Variants in AFAP1 observed in about 807,000 individuals in gnomAD.
The protein encoded by AFAP1 is actin filament-associated protein 1.
In AFAP1, 75 loss-of-function variants were observed where a neutral mutation model predicts 93.9. The ratio of observed to expected loss-of-function variants is 0.80; its 90% CI spans 0.66 to 0.97. The LOEUF (loss-of-function observed/expected upper bound fraction) is 0.97, where lower values mean the gene tolerates loss of function less well. AFAP1 is among the 50% of genes least tolerant of loss of function. The probability of loss-of-function intolerance (pLI) is 0.00; values close to 1 mark genes in which losing one functional copy is unlikely to be tolerated. For missense variants in AFAP1, 1,201 were observed against 1,050.8 expected, an observed-to-expected ratio of 1.14 and a Z score of -1.98; for synonymous variants, 517 against 430.7, an observed-to-expected ratio of 1.20 and a Z score of -2.48.
intron 4 of AFAP1, among the ~76,000 whole-genome samples, chr4:7,847,746 A>G (rs1347011015): frequency 1.4e-5 from 2 of 145,154 alleles, no homozygotes; most frequent in African/African-American, 5.2e-5. Flanking sequence ...TAAGTGGTAC[A>G]GGTATTCACA....
chr4:7,931,880 A>G (rs1292960766), intron 1 of AFAP1, among the ~76,000 whole-genome samples: 1 of 151,698 alleles, frequency 6.6e-6, no homozygotes, highest in Non-Finnish European at 1.5e-5. Context: ...CTTTTTTTTG[A>G]GACGGAGTCT....
intron 4 of AFAP1, among the ~76,000 whole-genome samples, chr4:7,846,576 A>G (rs1018302447): frequency 2.0e-5 from 3 of 152,268 alleles, no homozygotes; most frequent in Admixed American, 6.5e-5. Context: ...TCAGTAAATA[A>G]TGAAGTAAAG....
Position 7,939,437 on chromosome 4 carries a change from G to C in AFAP1, c.-3+219C>G, listed in dbSNP as rs1215004297. ...CTCCGGGCAGACGCGGGGAGCTGGG[G>C]AGCAGTGGGGACCGGCCCCCACCCG... On this transcript the variant is annotated intron_variant, in intron 1 of 17. Coordinates refer to ENST00000420658, the MANE Select transcript of AFAP1 (RefSeq NM_001134647.2). This position sits in a 1 kb window ranked among gnomAD's most constrained non-coding sequence, Gnocchi z 5.6. 8 of 299,654 alleles carry C rather than the reference G, an allele frequency of 2.7e-5. No homozygotes were observed. Among genetic ancestry groups the C allele is most frequent in the Admixed American group, 1.0e-4 (2 of 19,476 alleles). 18.6% of individuals were successfully genotyped at this position (299,654 alleles called of 1,614,324 possible).
chr4:7,857,326 G>A (rs1188882566), intron 3 of AFAP1, among the ~76,000 whole-genome samples: 1 of 152,126 alleles, frequency 6.6e-6, no homozygotes, highest in East Asian at 1.9e-4. Flanking sequence ...CTTTGTGAAT[G>A]ACTAATCACC....
chr4:7,785,888 GACTGCACC>G lies in AFAP1; in HGVS notation c.1530+298_1530+305del, dbSNP rs535994824. Among the ~76,000 whole-genome samples, 241 of 152,270 alleles carry G rather than the reference GACTGCACC, an allele frequency of 1.6e-3. 1 individual carries two copies. The highest frequency in any genetic ancestry group is 5.6e-3 in the African/African-American group (234 of 41,546). Reference sequence around the variant, plus strand: ...GGGAGGTTGAGCTATAGTGAGTTGTGACTGCACCACTGCACTCCAGCCTGGGCAACAGA... The same window carrying G: ...GGGAGGTTGAGCTATAGTGAGTTGTGACTGCACTCCAGCCTGGGCAACAGA... On this transcript the variant is annotated intron_variant, in intron 12 of 17. Coordinates refer to ENST00000420658, the MANE Select transcript of AFAP1 (RefSeq NM_001134647.2).
At chr4:7,815,288 G>C (rs1720378479) in intron 8 of AFAP1, among the ~76,000 whole-genome samples, 1 of 152,248 alleles carries the variant, frequency 6.6e-6, no homozygotes, top group Non-Finnish European at 1.5e-5. Context: ...AAGGGACAGA[G>C]CTTCGCTCTT....
chr4:7,781,391 G>C lies in AFAP1; in HGVS notation c.1767C>G (p.Leu589=). Reference sequence around the variant, plus strand: ...GATGCCGTACCTGCGAGTTGAGCCCGAGAGACGCCCTCCCCACAGAAGAGG... The same window carrying C: ...GATGCCGTACCTGCGAGTTGAGCCCCAGAGACGCCCTCCCCACAGAAGAGG... ...TNTSSVGRAS[L]GLNSQLKGKK... Residue 589 remains leucine (L), a synonymous_variant, in exon 13 of 18, where the codon CTC becomes CTG. Coordinates refer to ENST00000420658, the MANE Select transcript of AFAP1 (RefSeq NM_001134647.2). The C allele has an allele frequency of 6.4e-7, 1 of 1,551,714 alleles. No individual in the cohort carries two copies.
intron 1 of AFAP1, among the ~76,000 whole-genome samples, chr4:7,906,143 G>A (rs904740942): frequency 6.6e-6 from 1 of 152,166 alleles, no homozygotes. Context: ...TGAGCAAAGC[G>A]CCATGAGAGT....
chr4:7,869,586 C>T (rs745729577), intron 2 of AFAP1, among the ~76,000 whole-genome samples: 23 of 152,142 alleles, frequency 1.5e-4, no homozygotes, highest in Non-Finnish European at 2.6e-4. Flanking sequence ...GTGATGAACA[C>T]GATACCAGTG....
chr4:7,869,110 G>A (rs1716777603), intron 2 of AFAP1, among the ~76,000 whole-genome samples: 2 of 146,412 alleles, frequency 1.4e-5, no homozygotes, highest in African/African-American at 5.1e-5. Flanking sequence ...AAAGGGAAAG[G>A]GAAACGGAAA....
rs530464833 is a variant in AFAP1 at position 7,910,289 on chromosome 4, CT to C, written c.-3+29366del. The stretch of plus-strand genomic sequence containing the variant: ...ACAGAGCCTGCTGGGAGTCAAAAGA[CT>C]GGGGAATTCCAGTCCTAGCCCTGCT... On this transcript the variant is annotated intron_variant, in intron 1 of 17. Coordinates refer to ENST00000420658, the MANE Select transcript of AFAP1 (RefSeq NM_001134647.2). Among the ~76,000 whole-genome samples the C allele has an allele frequency of 1.1e-4, 16 of 152,234 alleles. 1 individual carries two copies. The South Asian group carries it at 3.1e-3, about 30-fold the overall frequency.
intron 17 of AFAP1, among the ~76,000 whole-genome samples, chr4:7,767,507 G>A (rs1417603809): frequency 6.6e-6 from 1 of 152,202 alleles, no homozygotes; most frequent in Non-Finnish European, 1.5e-5. Context: ...CTCCATCAGT[G>A]AGCTCAGTGG....
chr4:7,763,901 GAAAACTCAACAGAAT>G (rs1714165465), intron 17 of AFAP1, 110 bp from the exon 18 acceptor site: 2 of 1,049,924 alleles, frequency 1.9e-6, no homozygotes, highest in Non-Finnish European at 1.4e-6. Context: ...GGCTACTGCA[GAAAACTCAACAGAAT>G]CAATGACCAA....
chr4:7,859,364 A>T (rs549818826), intron 3 of AFAP1, among the ~76,000 whole-genome samples: 1 of 152,286 alleles, frequency 6.6e-6, no homozygotes, highest in East Asian at 1.9e-4. Flanking sequence ...GGCTGCAGTG[A>T]GCCAAGATCG....
intron 1 of AFAP1, among the ~76,000 whole-genome samples, chr4:7,937,821 T>A (rs1721479055): frequency 6.6e-6 from 1 of 152,170 alleles, no homozygotes; most frequent in African/African-American, 2.4e-5. Context: ...CTCTGCACTA[T>A]GCAACAAACA....
chr4:7,816,619 T>C (rs139880595), intron 7 of AFAP1, among the ~76,000 whole-genome samples: 2 of 152,172 alleles, frequency 1.3e-5, no homozygotes, highest in Non-Finnish European at 2.9e-5. Context: ...ACTGTCACTA[T>C]CTCAGTCCTA....
chr4:7,812,335 T>C (rs959394275), intron 8 of AFAP1, among the ~76,000 whole-genome samples: 10 of 151,090 alleles, frequency 6.6e-5, no homozygotes, highest in African/African-American at 2.2e-4. Context: ...TGAGCTGGGG[T>C]GTCAGATGAA....
chr4:7,829,723 T>C (rs1397048329), intron 6 of AFAP1, among the ~76,000 whole-genome samples: 1 of 152,194 alleles, frequency 6.6e-6, no homozygotes, highest in East Asian at 1.9e-4. Context: ...CACACTCTAT[T>C]GGCAAGGCTA....
At chr4:7,832,562 C>A (rs1162322665) in intron 6 of AFAP1, among the ~76,000 whole-genome samples, 1 of 151,566 alleles carries the variant, frequency 6.6e-6, no homozygotes, top group African/African-American at 2.4e-5. Flanking sequence ...TTGCCGGCAA[C>A]GATGGACTAG....
Sources: allele counts gnomAD v4.1 joint callset (sites outside exome capture counted in the v4.1 genomes callset), GRCh38; gene constraint gnomAD v4.1.1; non-coding constraint Gnocchi (gnomAD v3.1); transcripts MANE v1.5; gene names NCBI Gene and HGNC (gene_info 2026-07-23, HGNC 2026-07-21).